Variants in ACADM observed in about 807,000 individuals in gnomAD.
ACADM encodes acyl-CoA dehydrogenase medium chain.
Under a neutral mutation model 58.9 loss-of-function variants are expected in ACADM, and 49 were observed. That is an observed-to-expected ratio of 0.83 (90% CI 0.66 to 1.06). The LOEUF is 1.06. Ranked by LOEUF, ACADM falls within the 50% of genes least tolerant of loss-of-function variation. ACADM has a pLI of 0.00. For synonymous variants in ACADM, 160 were observed against 157.7 expected (o/e 1.01, Z -0.11); for missense variants, 496 against 507.0 (o/e 0.98, Z 0.21).
At chr1:75,760,264 C>CAAAAAAA (rs764807575) in intron 10 of ACADM, among the ~76,000 whole-genome samples, 10 of 51,192 alleles carry the variant, frequency 2.0e-4, no homozygotes, top group Non-Finnish European at 2.2e-4. Flanking sequence ...ACTAAAAATA[C>CAAAAAAA]AAAAAAAAAA....
intron 1 of ACADM, among the ~76,000 whole-genome samples, chr1:75,727,847 T>A (rs766692750): frequency 6.6e-6 from 1 of 152,112 alleles, no homozygotes; most frequent in African/African-American, 2.4e-5. Flanking sequence ...ATTGTAAGAA[T>A]CCCTGTAGAC....
chr1:75,750,751 A>AT lies in ACADM; in HGVS notation c.945+220dup, dbSNP rs745487585. 0.042 allele frequency: 20,960 copies of AT among 498,062 alleles called. 31 individuals carry two copies. The highest frequency in any genetic ancestry group is 0.072 in the East Asian group (1,995 of 27,526). 30.9% of individuals were successfully genotyped at this position (498,062 alleles called of 1,614,324 possible). ...TTCTGAACCTGACACTGTGCTATGC[A>AT]TTTTTTTTTTTTTTTGAGATGGAGT... On this transcript the variant is annotated intron_variant, in intron 10 of 11. Coordinates refer to ENST00000370841, the MANE Select transcript of ACADM (RefSeq NM_000016.6).
At position 75,733,261 on chromosome 1, in the gene ACADM, T is replaced by G; in HGVS notation, c.287-267T>G. 2.1e-6 allele frequency: 3 copies of G among 1,445,886 alleles called. No homozygotes were observed. In the South Asian group the frequency reaches 4.1e-5, roughly 20 times the overall value. 89.6% of individuals were successfully genotyped at this position (1,445,886 alleles called of 1,614,324 possible). On this transcript the variant is annotated intron_variant, in intron 4 of 11. Transcript: ENST00000370841. ...ATGATTCTTTTCCTCAGACCCAGTT[T>G]TAGAGTTGAATTGAGTTTTAACAAA...
chr1:75,745,323 C>A (rs555389403), intron 7 of ACADM, among the ~76,000 whole-genome samples: 173 of 151,976 alleles, frequency 1.1e-3, no homozygotes, highest in African/African-American at 4.1e-3. Flanking sequence ...TTCATCCCTA[C>A]AAAAAATAAA....
chr1:75,738,461 A>AC (rs1297456101), intron 6 of ACADM, among the ~76,000 whole-genome samples: 1 of 151,866 alleles, frequency 6.6e-6, no homozygotes, highest in African/African-American at 2.4e-5. Context: ...ACCTCAGGTG[A>AC]CCCACCTGCC....
chr1:75,736,908 A>G (rs185201599), intron 6 of ACADM, among the ~76,000 whole-genome samples: 207 of 152,176 alleles, frequency 1.4e-3, no homozygotes, highest in African/African-American at 4.5e-3. Context: ...CCCATTATAT[A>G]CATGTAGTTT....
intron 1 of ACADM, among the ~76,000 whole-genome samples, chr1:75,725,263 A>AAACCT (rs1553121978): frequency 3.3e-5 from 5 of 151,468 alleles, no homozygotes; most frequent in Admixed American, 2.0e-4. Flanking sequence ...TAAAAAAAAA[A>AAACCT]CCTGCAGAAT....
intron 9 of ACADM, 56 bp from the exon 10 acceptor site, chr1:75,750,395 A>G: frequency 1.5e-6 from 2 of 1,369,840 alleles, no homozygotes; most frequent in East Asian, 2.4e-5. Flanking sequence ...TTAGGCAGAT[A>G]TTGTGTGTTT....
At chr1:75,760,582 C>CAAAAAAAAAAAAAAAAA (rs1553127079) in intron 10 of ACADM, among the ~76,000 whole-genome samples, 3 of 43,560 alleles carry the variant, frequency 6.9e-5, no homozygotes, top group Non-Finnish European at 1.6e-4. Flanking sequence ...AAAAAAAAAT[C>CAAAAAAAAAAAAAAAAA]AGGCAAACTG....
rs191250375 is a variant in ACADM at position 75,738,742 on chromosome 1, G to A, written c.469-1238G>A. 1.9e-4 allele frequency among the ~76,000 whole-genome samples: 29 copies of A among 152,176 alleles called. No individual in the cohort carries two copies. The East Asian group carries it at 3.1e-3, about 16-fold the overall frequency. ...TTACAGGTGGGGGGCCACCATGCTC[G>A]GCCCAGTTTCTTTCTTCTTTGGACT... On this transcript the variant is annotated intron_variant, in intron 6 of 11. Transcript: ENST00000370841.
At chr1:75,745,077 C>G (rs1261975665) in intron 7 of ACADM, among the ~76,000 whole-genome samples, 2 of 152,116 alleles carry the variant, frequency 1.3e-5, no homozygotes, top group African/African-American at 4.8e-5. Flanking sequence ...CCTGTATATA[C>G]TATGTTTTTT....
chr1:75,733,285 A>C, intron 4 of ACADM: 1 of 1,322,454 alleles, frequency 7.6e-7, no homozygotes. Context: ...AGTTTTAACA[A>C]AATCAAGTTA....
intron 6 of ACADM, among the ~76,000 whole-genome samples, chr1:75,737,656 A>C (rs1419739503): frequency 2.0e-5 from 3 of 152,104 alleles, no homozygotes; most frequent in Admixed American, 2.0e-4. Context: ...AATCCCTGTC[A>C]AAAGACCATC....
At chr1:75,742,447 G>A (rs1280705240) in intron 7 of ACADM, among the ~76,000 whole-genome samples, 3 of 152,098 alleles carry the variant, frequency 2.0e-5, no homozygotes, top group Non-Finnish European at 2.9e-5. Context: ...CCACTATAAC[G>A]CAGGAAGGAA....
intron 7 of ACADM, chr1:75,745,602 G>A (rs1419405307): frequency 5.1e-6 from 3 of 588,210 alleles, no homozygotes; most frequent in Non-Finnish European, 9.1e-6. Context: ...GGCCTACTGT[G>A]TTATTAAGAC....
At chr1:75,730,931 TCTG>T (rs1205198993) in intron 2 of ACADM, among the ~76,000 whole-genome samples, 2 of 152,078 alleles carry the variant, frequency 1.3e-5, no homozygotes, top group Admixed American at 1.3e-4. Flanking sequence ...TAAGTATACT[TCTG>T]CTAATTCATT....
chr1:75,737,279 AATATATATATATATATATATATATAT>A lies in ACADM; in HGVS notation c.468+2431_468+2456del, dbSNP rs368688785. ...GAGACTGCCACCACACACACACACA[AATATATATATATATATATATATATAT>A]ATATATATATATATATATATATGAA... is the stretch of plus-strand genomic sequence containing the variant. On this transcript the variant is annotated intron_variant, in intron 6 of 11. Transcript: ENST00000370841. Among the ~76,000 whole-genome samples, 179 of 43,128 alleles carry A rather than the reference AATATATATATATATATATATATATAT, an allele frequency of 4.2e-3. 4 individuals are homozygous for A. Among genetic ancestry groups the A allele is most frequent in the African/African-American group, 0.013 (138 of 10,300 alleles). 28.3% of individuals were successfully genotyped at this position (43,128 alleles called of 152,430 possible). A position where few individuals can be genotyped will look rare whatever the true frequency, so the allele number is the denominator to read the frequency against.
chr1:75,735,613 G>A (rs1362792847), intron 6 of ACADM, among the ~76,000 whole-genome samples: 1 of 152,174 alleles, frequency 6.6e-6, no homozygotes, highest in African/African-American at 2.4e-5. Context: ...AGCACTTTGA[G>A]AGTCTGAGGC....
At chr1:75,750,751 A>ATTTTT (rs745487585) in intron 10 of ACADM, 2 of 504,806 alleles carry the variant, frequency 4.0e-6, no homozygotes, top group African/African-American at 4.1e-5. Flanking sequence ...TGTGCTATGC[A>ATTTTT]TTTTTTTTTT....
Sources: gnomAD v4.1 joint callset for allele counts (sites outside exome capture counted in the v4.1 genomes callset) on GRCh38, gnomAD v4.1.1 for gene constraint, MANE v1.5 for transcripts, NCBI Gene and HGNC (gene_info 2026-07-23, HGNC 2026-07-21) for gene names.